The following TRAPPC13 variants were observed in gnomAD, a reference collection of about 807,000 sequenced individuals.
TRAPPC13 encodes the protein REV7-interacting novel NHEJ regulator 1.
In TRAPPC13, 39 loss-of-function variants were observed where a neutral mutation model predicts 54.0. That is an observed-to-expected ratio of 0.72 (90% confidence interval 0.56 to 0.94). The LOEUF (loss-of-function observed/expected upper bound fraction) is 0.94, where lower values mean the gene tolerates loss of function less well. Among genes scored for constraint, TRAPPC13 ranks in the 40% least tolerant of loss-of-function variants. The pLI, the probability that TRAPPC13 is intolerant of heterozygous loss-of-function variation, is 0.00. For missense variants in TRAPPC13, 386 were observed against 488.1 expected (o/e 0.79, Z 1.97); for synonymous variants, 148 against 167.7 (o/e 0.88, Z 0.91).
In TRAPPC13 at chr5:65,660,774, G is replaced by T. The variant is rs1235351444; in HGVS notation, c.774G>T (p.Lys258Asn). 6 of 1,613,542 alleles carry T rather than the reference G, an allele frequency of 3.7e-6. No individual in the cohort carries two copies. In the South Asian group the frequency reaches 6.6e-5, roughly 18 times the overall value. The stretch of plus-strand genomic sequence containing the variant: ...AGTACTTATACTGCCTAAAGCCAAA[G>T]AATGAATTTGCAGAAAAAGCAGGCA... ...TRQYLYCLKP[K>N]NEFAEKAGII... The change falls in exon 10 of 13, where the codon AAG becomes AAT. Residue 258 changes from lysine (K) to asparagine (N), a missense_variant. Transcript: ENST00000399438.
chr5:65,664,632 C>G lies in TRAPPC13; in HGVS notation c.*21C>G, dbSNP rs1446810454. ...GCTGAAGGAAACTTCCAATGTTAGG[C>G]TTTTCATTTAGTTTCACAGAACTGC... On this transcript the variant is annotated 3_prime_UTR_variant, in exon 13 of 13. Transcript: ENST00000399438. 2 of 1,576,940 alleles carry G rather than the reference C, an allele frequency of 1.3e-6. No homozygotes were observed. The highest frequency in any genetic ancestry group is 1.7e-6 in the Non-Finnish European group (2 of 1,149,848).
At chr5:65,645,577 G>T (rs1581220824) in intron 4 of TRAPPC13, among the ~76,000 whole-genome samples, 1 of 152,248 alleles carries the variant, frequency 6.6e-6, no homozygotes, top group East Asian at 1.9e-4. Context: ...GGCCGAGGCG[G>T]GCGGATCACG....
At position 65,650,837 on chromosome 5, in the gene TRAPPC13, T is replaced by TGAAGGAAAA. The variant is rs774500876; in HGVS notation, c.456_457insGAAGGAAAA (p.Thr152_Gln153insGluGlyLys). 1 of 1,613,292 alleles carries TGAAGGAAAA rather than the reference T, an allele frequency of 6.2e-7. No individual in the cohort carries two copies. The highest frequency in any genetic ancestry group is 8.5e-7 in the Non-Finnish European group (1 of 1,179,692). On this transcript the variant is annotated inframe_insertion, in exon 6 of 13. Transcript: ENST00000399438. ...TGGTATGTGCTGTGAGTTATACAACTCAGGCTGGAGAAAAAATGTATTTCA... is the reference window on the plus strand; with the variant it reads ...TGGTATGTGCTGTGAGTTATACAACTGAAGGAAAACAGGCTGGAGAAAAAATGTATTTCA...
chr5:65,630,137 A>G, intron 1 of TRAPPC13: 2 of 1,536,068 alleles, frequency 1.3e-6, no homozygotes, highest in Non-Finnish European at 1.7e-6. Context: ...TCTGGAAGAC[A>G]TTTGGACAAA....
At chr5:65,629,763 T>C in intron 1 of TRAPPC13, 1 of 1,536,116 alleles carries the variant, frequency 6.5e-7, no homozygotes. Context: ...TCACCACCTG[T>C]GATTTCTGAA....
intron 6 of TRAPPC13, among the ~76,000 whole-genome samples, chr5:65,652,021 G>A (rs1484360941): frequency 7.9e-5 from 12 of 151,576 alleles, no homozygotes; most frequent in Non-Finnish European, 1.5e-4. Flanking sequence ...CCGCCACCAC[G>A]CCCAGTTAAT....
chr5:65,651,848 T>TGTTTG (rs1756460641), intron 6 of TRAPPC13, among the ~76,000 whole-genome samples: 2 of 24,574 alleles, frequency 8.1e-5, no homozygotes, highest in African/African-American at 4.3e-4. Context: ...TTCAGTTTTT[T>TGTTTG]TTTTTTTTTT....
chr5:65,664,988 TTC>T lies in TRAPPC13; in HGVS notation c.*379_*380del. On this transcript the variant is annotated 3_prime_UTR_variant, in exon 13 of 13. Coordinates refer to ENST00000399438, the MANE Select transcript of TRAPPC13 (RefSeq NM_024941.4). ...TTTTAGGCTTTGCAGGCCGTAAGGT[TTC>T]TGTCACAAATACTGAACTCTGCCAT... The T allele has an allele frequency of 1.5e-5, 3 of 201,898 alleles. No homozygotes were observed. Among genetic ancestry groups the T allele is most frequent in the Non-Finnish European group, 3.0e-5 (3 of 101,664 alleles). 12.5% of individuals were successfully genotyped at this position (201,898 alleles called of 1,614,324 possible).
intron 6 of TRAPPC13, 138 bp from the exon 7 acceptor site, chr5:65,652,357 GGAAGAA>G: frequency 1.1e-5 from 1 of 89,336 alleles, no homozygotes; most frequent in Non-Finnish European, 1.9e-5. Context: ...TTTTTTTTTT[GGAAGAA>G]TATTGCATAC....
At chr5:65,630,050 A>C (rs757792460) in intron 1 of TRAPPC13, 1 of 1,536,110 alleles carries the variant, frequency 6.5e-7, no homozygotes, top group South Asian at 1.2e-5. Flanking sequence ...ATTGCAAGAT[A>C]GTTTAAAGGC....
chr5:65,641,568 G>A (rs1755965138), intron 4 of TRAPPC13, among the ~76,000 whole-genome samples: 1 of 151,952 alleles, frequency 6.6e-6, no homozygotes, highest in Non-Finnish European at 1.5e-5. Flanking sequence ...AAAATTCTCT[G>A]GCCATGGTGG....
chr5:65,662,226 C>A, intron 11 of TRAPPC13, 76 bp downstream of exon 11: 3 of 1,030,874 alleles, frequency 2.9e-6, no homozygotes, highest in South Asian at 1.8e-5. Context: ...CTTTTTGTTA[C>A]TATCTCCTTT....
At chr5:65,652,641 G>A (rs771073705) in intron 7 of TRAPPC13, 96 bp downstream of exon 7, 7 of 883,530 alleles carry the variant, frequency 7.9e-6, no homozygotes, top group South Asian at 1.3e-5. Context: ...GAAGCAAATC[G>A]CCAACGTGAC....
intron 4 of TRAPPC13, among the ~76,000 whole-genome samples, chr5:65,641,726 C>A (rs200647640): frequency 2.4e-4 from 35 of 144,076 alleles, no homozygotes; most frequent in Admixed American, 6.9e-4. Flanking sequence ...AAAAAAAAAA[C>A]AAAAAAAACA....
At chr5:65,660,596 G>T in intron 9 of TRAPPC13, 103 bp from the exon 10 acceptor site, 2 of 758,714 alleles carry the variant, frequency 2.6e-6, no homozygotes, top group Non-Finnish European at 3.9e-6. Context: ...GATCTTTGGA[G>T]GGTACATCAT....
At chr5:65,635,730 G>A (rs888374386) in intron 2 of TRAPPC13, among the ~76,000 whole-genome samples, 19 of 150,366 alleles carry the variant, frequency 1.3e-4, no homozygotes, top group African/African-American at 2.5e-4. Context: ...ATCTCATGAC[G>A]TACATTTTTC....
Position 65,646,857 on chromosome 5 carries a change from G to T in TRAPPC13, c.301-198G>T, listed in dbSNP as rs154956. Among the ~76,000 whole-genome samples the T allele has an allele frequency of 0.6, 90,229 of 151,334 alleles. 27,222 individuals carry two copies. Among genetic ancestry groups the T allele is most frequent in the South Asian group, 0.64 (3,086 of 4,786 alleles). On this transcript the variant is annotated intron_variant, in intron 4 of 12. Coordinates refer to ENST00000399438, the MANE Select transcript of TRAPPC13 (RefSeq NM_024941.4). ...CTTGATCTTATTTATTTATTTTTTT[G>T]GGGTTGGGGGGGTGTGCCATTGCCA...
chr5:65,638,258 G>A (rs1038855759), intron 4 of TRAPPC13, among the ~76,000 whole-genome samples: 1 of 152,126 alleles, frequency 6.6e-6, no homozygotes, highest in Non-Finnish European at 1.5e-5. Flanking sequence ...AAAGTATTAT[G>A]TTAGGCATGA....
At chr5:65,649,743 G>A (rs467976) in intron 5 of TRAPPC13, among the ~76,000 whole-genome samples, 2 of 151,922 alleles carry the variant, frequency 1.3e-5, no homozygotes, top group African/African-American at 4.8e-5. Context: ...ATTGTTACAA[G>A]TATTTTATCC....
Sources: gnomAD v4.1 joint callset for allele counts (sites outside exome capture counted in the v4.1 genomes callset) on GRCh38, gnomAD v4.1.1 for gene constraint, MANE v1.5 for transcripts, NCBI Gene and HGNC (gene_info 2026-07-23, HGNC 2026-07-21) for gene names.